Variants in GNA11 observed in about 807,000 individuals in gnomAD.
GNA11 encodes the protein G protein subunit alpha 11, also known as guanine nucleotide-binding protein subunit alpha-11.
A neutral mutation model predicts 38.2 loss-of-function variants in GNA11; 8 were observed. That is an observed-to-expected ratio of 0.21 (90% CI 0.12 to 0.38). The LOEUF is 0.38. Ranked by LOEUF, GNA11 falls within the 10% of genes least tolerant of loss-of-function variation. The probability of loss-of-function intolerance (pLI) is 1.00; values close to 1 mark genes in which losing one functional copy is unlikely to be tolerated. For missense variants in GNA11, 268 were observed against 516.3 expected (o/e 0.52, Z 4.66); for synonymous variants, 211 against 221.4 (o/e 0.95, Z 0.42).
intron 1 of GNA11, among the ~76,000 whole-genome samples, chr19:3,107,312 C>A (rs1913663046): frequency 6.6e-6 from 1 of 152,210 alleles, no homozygotes; most frequent in Non-Finnish European, 1.5e-5. Context: ...GTTTCAGACT[C>A]CTTCTCGGCC....
At chr19:3,107,410 G>A (rs1244709716) in intron 1 of GNA11, among the ~76,000 whole-genome samples, 1 of 152,184 alleles carries the variant, frequency 6.6e-6, no homozygotes, top group Non-Finnish European at 1.5e-5. Flanking sequence ...GGGACCTTGT[G>A]TCTTGGGTGC....
At chr19:3,097,037 G>A (rs1913388601) in intron 1 of GNA11, among the ~76,000 whole-genome samples, 1 of 152,170 alleles carries the variant, frequency 6.6e-6, no homozygotes, top group Non-Finnish European at 1.5e-5. Context: ...TCCAGGGGCT[G>A]GGGCCTCAGG....
chr19:3,122,983 C>T lies in GNA11; in HGVS notation c.*1804C>T, dbSNP rs575629353. Reference sequence around the variant, plus strand: ...TTCCCCACACCACTTCTGTCTCACCCGGAAGCGTCCTTTTTTTGTGCCAGG... The same window carrying T: ...TTCCCCACACCACTTCTGTCTCACCTGGAAGCGTCCTTTTTTTGTGCCAGG... On this transcript the variant is annotated 3_prime_UTR_variant, in exon 7 of 7. Transcript: ENST00000078429. This position sits in a 1 kb window ranked among gnomAD's most constrained non-coding sequence, Gnocchi z 7.7. 34 of 233,386 alleles carry T rather than the reference C, an allele frequency of 1.5e-4. No individual in the cohort carries two copies. The South Asian group carries it at 2.9e-3, about 20-fold the overall frequency. 14.5% of individuals were successfully genotyped at this position (233,386 alleles called of 1,614,324 possible).
intron 1 of GNA11, among the ~76,000 whole-genome samples, chr19:3,102,912 C>T (rs756413152): frequency 6.6e-6 from 1 of 152,232 alleles, no homozygotes; most frequent in African/African-American, 2.4e-5. Context: ...TGCCACCACC[C>T]GCCTTCTCAT....
chr19:3,112,790 T>G (rs948912004), intron 2 of GNA11, among the ~76,000 whole-genome samples: 6 of 152,220 alleles, frequency 3.9e-5, no homozygotes, highest in African/African-American at 1.2e-4. Flanking sequence ...TAAGCATTTT[T>G]CGGACGAAAG....
rs765732041 is a variant in GNA11, at chr19:3,113,507, C to T, written c.476+23C>T. On this transcript the variant is annotated intron_variant, in intron 3 of 6. Coordinates refer to ENST00000078429, the MANE Select transcript of GNA11 (RefSeq NM_002067.5). ...GTAGTAAGTGCGGCCGCACCGCTGG[C>T]GGCCTGGGGACGGCAGCTGCGGGCC... 36 of 1,536,220 alleles carry T rather than the reference C, an allele frequency of 2.3e-5. No individual in the cohort carries two copies. The East Asian group carries it at 6.1e-4, about 26-fold the overall frequency.
At position 3,118,939 on chromosome 19, in the gene GNA11, G is replaced by A. The variant is rs376322895; in HGVS notation, c.621G>A (p.Gly207=). 1.5e-5 allele frequency: 24 copies of A among 1,613,766 alleles called. No homozygotes were observed. The highest frequency in any genetic ancestry group is 2.0e-5 in the Non-Finnish European group (24 of 1,179,802). ...GTCCTTTCAGGATGGTGGATGTGGG[G>A]GGCCAGCGGTCGGAGCGGAGGAAGT... is the stretch of plus-strand genomic sequence containing the variant. ...ENIIFRMVDV[G]GQRSERRKWI... Residue 207 remains glycine, a synonymous_variant, in exon 5 of 7, where the codon GGG becomes GGA. Coordinates refer to ENST00000078429, the MANE Select transcript of GNA11 (RefSeq NM_002067.5).
intron 2 of GNA11, among the ~76,000 whole-genome samples, chr19:3,111,274 C>T (rs1913768238): frequency 6.6e-6 from 1 of 152,136 alleles, no homozygotes; most frequent in Non-Finnish European, 1.5e-5. Context: ...CTGTCGGATT[C>T]CAGATTTCAT....
In GNA11 at chr19:3,120,144, C is replaced by T. The variant is rs548649526; in HGVS notation, c.889+785C>T. On this transcript the variant is annotated intron_variant, in intron 6 of 6. Transcript: ENST00000078429. This position sits in a 1 kb window ranked among gnomAD's most constrained non-coding sequence, Gnocchi z 5.9. ...TCCCGTGAGTCTCGGGTGTCATCTT[C>T]GGGAGGGCCCCTCAGGGTGCCCTGC... Among the ~76,000 whole-genome samples the T allele has an allele frequency of 3.6e-4, 55 of 152,196 alleles. No individual in the cohort carries two copies. Among genetic ancestry groups the T allele is most frequent in the African/African-American group, 1.3e-3 (52 of 41,540 alleles).
intron 1 of GNA11, among the ~76,000 whole-genome samples, chr19:3,107,923 C>T (rs566163567): frequency 6.6e-6 from 1 of 152,318 alleles, no homozygotes; most frequent in Admixed American, 6.5e-5. Context: ...TTTTCACCTT[C>T]ACACTCACCC....
At chr19:3,111,920 C>T (rs758304598) in intron 2 of GNA11, among the ~76,000 whole-genome samples, 13 of 152,256 alleles carry the variant, frequency 8.5e-5, no homozygotes, top group African/African-American at 3.1e-4. Flanking sequence ...GCCCTGTCTC[C>T]CGCTGTGATC....
chr19:3,099,794 C>A (rs1353408912), intron 1 of GNA11, among the ~76,000 whole-genome samples: 1 of 152,230 alleles, frequency 6.6e-6, no homozygotes, highest in East Asian at 1.9e-4. Flanking sequence ...GCTTTCAGGA[C>A]AGCACTGGTG....
chr19:3,096,257 G>T (rs72975248), intron 1 of GNA11, among the ~76,000 whole-genome samples: 48,463 of 147,496 alleles, frequency 0.33, 8,759 homozygotes, highest in Middle Eastern at 0.41. Context: ...TTTACCTAAG[G>T]GTTCTAAAAT....
At chr19:3,098,087 T>A (rs983969645) in intron 1 of GNA11, among the ~76,000 whole-genome samples, 4 of 152,226 alleles carry the variant, frequency 2.6e-5, no homozygotes, top group African/African-American at 9.6e-5. Flanking sequence ...TATAGAGTAT[T>A]TTTCTAAGCA....
chr19:3,101,213 A>C (rs886118859), intron 1 of GNA11, among the ~76,000 whole-genome samples: 1 of 152,008 alleles, frequency 6.6e-6, no homozygotes, highest in African/African-American at 2.4e-5. Context: ...GTCTGTTGCT[A>C]TTGTTAACCG....
At chr19:3,103,455 C>T (rs906823789) in intron 1 of GNA11, among the ~76,000 whole-genome samples, 3 of 149,716 alleles carry the variant, frequency 2.0e-5, no homozygotes, top group Non-Finnish European at 4.4e-5. Flanking sequence ...TCAGGTGATC[C>T]GCTTGCCTTG....
chr19:3,120,259 G>A lies in GNA11; in HGVS notation c.890-730G>A, dbSNP rs1315316508. 6.6e-6 allele frequency among the ~76,000 whole-genome samples: 1 copy of A among 151,882 alleles called. No individual in the cohort carries two copies. The highest frequency in any genetic ancestry group is 2.4e-5 in the African/African-American group (1 of 41,360). ...CGCAGGGCCCTGCTGTCCCTGGGCA[G>A]GGGAGTGGCGGGGGGCGCTGCACCT... On this transcript the variant is annotated intron_variant, in intron 6 of 6. Coordinates refer to ENST00000078429, the MANE Select transcript of GNA11 (RefSeq NM_002067.5). This position sits in a 1 kb window ranked among gnomAD's most constrained non-coding sequence, Gnocchi z 5.9.
At chr19:3,116,512 C>A (rs2145323181) in intron 4 of GNA11, among the ~76,000 whole-genome samples, 1 of 152,334 alleles carries the variant, frequency 6.6e-6, no homozygotes, top group South Asian at 2.1e-4. Context: ...CTCATCCCTG[C>A]CCCCATCCTC....
At chr19:3,116,792 G>A (rs928625538) in intron 4 of GNA11, among the ~76,000 whole-genome samples, 14 of 152,164 alleles carry the variant, frequency 9.2e-5, no homozygotes, top group East Asian at 3.8e-4. Context: ...AGGGAATGAC[G>A]CCTCCCTGCC....
Sources: gnomAD v4.1 joint callset for allele counts (sites outside exome capture counted in the v4.1 genomes callset) on GRCh38, gnomAD v4.1.1 for gene constraint, Gnocchi (gnomAD v3.1) non-coding constraint, MANE v1.5 for transcripts, NCBI Gene and HGNC (gene_info 2026-07-23, HGNC 2026-07-21) for gene names.